GLRA3: variants seen among roughly 807,000 people sequenced by gnomAD.
GLRA3 encodes glycine receptor alpha 3.
A neutral mutation model predicts 60.4 loss-of-function variants in GLRA3; 44 were observed. The observed-to-expected ratio is 0.73, with a 90% CI of 0.57 to 0.94. The LOEUF (loss-of-function observed/expected upper bound fraction) is 0.94, where lower values mean the gene tolerates loss of function less well. GLRA3 is among the 40% of genes least tolerant of loss of function. The probability of loss-of-function intolerance (pLI) is 0.00; values close to 1 mark genes in which losing one functional copy is unlikely to be tolerated. For synonymous variants in GLRA3, 223 were observed against 192.9 expected, an observed-to-expected ratio of 1.16 and a Z score of -1.29; for missense variants, 508 against 564.6, an observed-to-expected ratio of 0.90 and a Z score of 1.02.
intron 3 of GLRA3, among the ~76,000 whole-genome samples, chr4:174,732,775 C>CTA (rs201631241): frequency 0.048 from 7,150 of 147,694 alleles, 205 homozygotes; most frequent in South Asian, 0.1. Flanking sequence ...CTCTCTCTCT[C>CTA]TCTATATATA....
At chr4:174,688,459 G>T (rs1422265528) in intron 5 of GLRA3, among the ~76,000 whole-genome samples, 1 of 149,564 alleles carries the variant, frequency 6.7e-6, no homozygotes, top group Non-Finnish European at 1.5e-5. Context: ...TAGAAGCAGA[G>T]ACTTATTCTG....
At chr4:174,709,639 T>G (rs570942108) in intron 5 of GLRA3, among the ~76,000 whole-genome samples, 1 of 152,188 alleles carries the variant, frequency 6.6e-6, no homozygotes, top group African/African-American at 2.4e-5. Context: ...TATGTTGAAC[T>G]TCTGGCTTTT....
intron 4 of GLRA3, among the ~76,000 whole-genome samples, chr4:174,724,289 T>C (rs916930692): frequency 1.3e-5 from 2 of 152,010 alleles, no homozygotes; most frequent in East Asian, 3.9e-4. Context: ...ATATCTTATG[T>C]ACACATACAT....
At chr4:174,722,800 A>G (rs1736180904) in intron 4 of GLRA3, 1 of 166,882 alleles carries the variant, frequency 6.0e-6, no homozygotes, top group Non-Finnish European at 1.5e-5. Flanking sequence ...ATTCAACAAG[A>G]TTTTTTCTTT....
intron 4 of GLRA3, among the ~76,000 whole-genome samples, chr4:174,726,932 AC>A (rs1736349178): frequency 6.6e-6 from 1 of 152,106 alleles, no homozygotes; most frequent in Non-Finnish European, 1.5e-5. Flanking sequence ...CCATTAATTT[AC>A]TCATCCATAT....
At chr4:174,815,435 C>T (rs1037424007) in intron 1 of GLRA3, among the ~76,000 whole-genome samples, 7 of 152,296 alleles carry the variant, frequency 4.6e-5, no homozygotes, top group South Asian at 2.1e-4. Flanking sequence ...AGGGACTCTG[C>T]GTGGGGGCTC....
chr4:174,677,003 A>T, intron 7 of GLRA3, 75 bp downstream of exon 7: 1 of 898,296 alleles, frequency 1.1e-6, no homozygotes, highest in South Asian at 1.5e-5. Flanking sequence ...ATATCTGACC[A>T]AAGCTGACAA....
chr4:174,781,658 A>G (rs2111280484), intron 2 of GLRA3, among the ~76,000 whole-genome samples: 1 of 150,944 alleles, frequency 6.6e-6, no homozygotes, highest in Non-Finnish European at 1.5e-5. Context: ...ACAGAAATAC[A>G]AACTACCATC....
intron 7 of GLRA3, among the ~76,000 whole-genome samples, chr4:174,674,409 A>T (rs1353579376): frequency 1.3e-5 from 2 of 152,210 alleles, no homozygotes; most frequent in Non-Finnish European, 2.9e-5. Context: ...TCAAGTTTCA[A>T]GGAATCAATC....
intron 1 of GLRA3, among the ~76,000 whole-genome samples, chr4:174,826,562 C>CTTTGTGTATGT (rs1740976563): frequency 6.6e-6 from 1 of 151,864 alleles, no homozygotes; most frequent in African/African-American, 2.4e-5. Flanking sequence ...GTGCACTTTT[C>CTTTGTGTATGT]TTTGTGTATG....
chr4:174,665,269 G>T (rs74908427), intron 7 of GLRA3, among the ~76,000 whole-genome samples: 2,334 of 142,606 alleles, frequency 0.016, 67 homozygotes, highest in African/African-American at 0.056. Context: ...TATTACTTTG[G>T]ACTGGAACCC....
intron 7 of GLRA3, among the ~76,000 whole-genome samples, chr4:174,669,657 C>T (rs1733830702): frequency 6.6e-6 from 1 of 152,090 alleles, no homozygotes; most frequent in Non-Finnish European, 1.5e-5. Context: ...CTCACTGCAG[C>T]CTCAAGTTCC....
chr4:174,765,943 CTT>C (rs34228405), intron 3 of GLRA3, among the ~76,000 whole-genome samples: 3 of 147,392 alleles, frequency 2.0e-5, no homozygotes, highest in Non-Finnish European at 4.5e-5. Context: ...AGGGAAACAG[CTT>C]TTTTTTTTTA....
At chr4:174,704,337 T>G (rs1735436965) in intron 5 of GLRA3, among the ~76,000 whole-genome samples, 1 of 142,512 alleles carries the variant, frequency 7.0e-6, no homozygotes, top group African/African-American at 2.5e-5. Flanking sequence ...TAGCAGCAAA[T>G]GGCAGGATCA....
chr4:174,688,270 A>T (rs1025638937), intron 5 of GLRA3, among the ~76,000 whole-genome samples: 4 of 135,744 alleles, frequency 2.9e-5, no homozygotes, highest in African/African-American at 1.1e-4. Flanking sequence ...GCTCTACCTT[A>T]CCTATTTTCT....
At chr4:174,708,505 G>A (rs751716203) in intron 5 of GLRA3, among the ~76,000 whole-genome samples, 9 of 150,028 alleles carry the variant, frequency 6.0e-5, no homozygotes, top group East Asian at 2.0e-4. Flanking sequence ...TGTAATTTTC[G>A]AGATTTAGGC....
chr4:174,765,646 C>T (rs1385486478), intron 3 of GLRA3, among the ~76,000 whole-genome samples: 3 of 151,888 alleles, frequency 2.0e-5, no homozygotes. Context: ...AATTTTTCCA[C>T]AAGAATCTAG....
intron 7 of GLRA3, among the ~76,000 whole-genome samples, chr4:174,672,309 G>A (rs1733937679): frequency 6.6e-6 from 1 of 152,124 alleles, no homozygotes; most frequent in Non-Finnish European, 1.5e-5. Context: ...CCAGAGCGTG[G>A]TCTAAGAAAG....
At chr4:174,793,417 T>C (rs1351984728) in intron 1 of GLRA3, among the ~76,000 whole-genome samples, 1 of 126,266 alleles carries the variant, frequency 7.9e-6, no homozygotes, top group Non-Finnish European at 1.6e-5. Flanking sequence ...TGTCAAAATT[T>C]ACATTCATTT....
Sources: allele counts gnomAD v4.1 joint callset (sites outside exome capture counted in the v4.1 genomes callset), GRCh38; gene constraint gnomAD v4.1.1; transcripts MANE v1.5; gene names NCBI Gene and HGNC (gene_info 2026-07-23, HGNC 2026-07-21).